The following TCF12 variants were observed in gnomAD, a reference collection of about 807,000 sequenced individuals.
TCF12 encodes the protein DNA-binding protein HTF4.
A neutral mutation model predicts 86.0 loss-of-function variants in TCF12; 45 were observed. That is an observed-to-expected ratio of 0.52 (90% CI 0.41 to 0.67). TCF12 has a LOEUF of 0.67. TCF12 is among the 30% of genes least tolerant of loss of function. The probability of loss-of-function intolerance (pLI) is 0.00; values close to 1 mark genes in which losing one functional copy is unlikely to be tolerated. For synonymous variants in TCF12, 330 were observed against 299.6 expected (o/e 1.10, Z -1.05); for missense variants, 881 against 859.9 (o/e 1.02, Z -0.31).
rs1165221279 is a variant in TCF12, at chr15:56,962,867, T to G, written c.148+41769T>G. Reference sequence around the variant, plus strand: ...CCTAATGAAGTGGAAATTAGTGTGTTATGTGTGCATTTAATGACTTTATTG... The same window carrying G: ...CCTAATGAAGTGGAAATTAGTGTGTGATGTGTGCATTTAATGACTTTATTG... On this transcript the variant is annotated intron_variant, in intron 3 of 20. Coordinates refer to ENST00000333725, the MANE Select transcript of TCF12 (RefSeq NM_207037.2). Among the ~76,000 whole-genome samples, 3 of 152,302 alleles carry G rather than the reference T, an allele frequency of 2.0e-5. No individual in the cohort carries two copies. In the South Asian group the frequency reaches 6.2e-4, roughly 32 times the overall value.
intron 8 of TCF12, among the ~76,000 whole-genome samples, chr15:57,213,794 T>C (rs1303221859): frequency 6.6e-6 from 1 of 152,188 alleles, no homozygotes; most frequent in Non-Finnish European, 1.5e-5. Flanking sequence ...GCTTTACAGA[T>C]GATTTTGAAT....
At chr15:57,131,063 A>G (rs1057098254) in intron 5 of TCF12, among the ~76,000 whole-genome samples, 14 of 152,146 alleles carry the variant, frequency 9.2e-5, no homozygotes, top group Non-Finnish European at 2.9e-5. Context: ...TCAGAGCGTT[A>G]TTGTCAGACA....
chr15:57,199,950 C>A (rs1273259273), intron 8 of TCF12, among the ~76,000 whole-genome samples: 2 of 151,808 alleles, frequency 1.3e-5, no homozygotes, highest in Non-Finnish European at 2.9e-5. Flanking sequence ...GACACAGTCA[C>A]TGCAAACTAC....
rs565008005 is a variant in TCF12 at position 57,255,434 on chromosome 15, C to T, written c.1467+1966C>T. On this transcript the variant is annotated intron_variant, in intron 16 of 20. Transcript: ENST00000333725. Reference sequence around the variant, plus strand: ...TGCTGAAGGAATGCACTGCCCACTTCAGAACAACAACAGAAGGTCTGCCAG... The same window carrying T: ...TGCTGAAGGAATGCACTGCCCACTTTAGAACAACAACAGAAGGTCTGCCAG... Among the ~76,000 whole-genome samples the T allele has an allele frequency of 6.3e-4, 96 of 152,280 alleles. 3 individuals are homozygous for T. The South Asian group carries it at 0.02, about 31-fold the overall frequency.
At chr15:57,137,762 C>T (rs1198727467) in intron 5 of TCF12, among the ~76,000 whole-genome samples, 1 of 152,144 alleles carries the variant, frequency 6.6e-6, no homozygotes, top group African/African-American at 2.4e-5. Flanking sequence ...GGCACGGTGG[C>T]TCATGCCCGT....
intron 5 of TCF12, among the ~76,000 whole-genome samples, chr15:57,160,581 T>A (rs569120868): frequency 6.6e-6 from 1 of 152,326 alleles, no homozygotes; most frequent in Non-Finnish European, 1.5e-5. Flanking sequence ...AAGAGCTAAA[T>A]GTCTAACAAA....
intron 5 of TCF12, among the ~76,000 whole-genome samples, chr15:57,113,892 G>GC (rs1328039003): frequency 1.3e-5 from 2 of 152,210 alleles, no homozygotes; most frequent in East Asian, 3.9e-4. Flanking sequence ...GGAGGTAGAG[G>GC]CTGGAGTAAG....
intron 12 of TCF12, among the ~76,000 whole-genome samples, chr15:57,237,317 T>C (rs769834274): frequency 7.9e-5 from 12 of 152,216 alleles, no homozygotes; most frequent in Non-Finnish European, 1.5e-4. Flanking sequence ...TAATAAAGAT[T>C]AACTGAAATG....
chr15:56,953,055 G>C (rs1370600584), intron 3 of TCF12, among the ~76,000 whole-genome samples: 1 of 151,936 alleles, frequency 6.6e-6, no homozygotes, highest in East Asian at 1.9e-4. Flanking sequence ...GATTTTCCTA[G>C]AATAGATGTT....
chr15:57,045,472 G>GTAA (rs1764506511), intron 3 of TCF12, among the ~76,000 whole-genome samples: 1 of 152,092 alleles, frequency 6.6e-6, no homozygotes, highest in Admixed American at 6.5e-5. Flanking sequence ...ACACTCTGTG[G>GTAA]TAATATCTTC....
At chr15:56,931,533 C>T (rs993566563) in intron 3 of TCF12, among the ~76,000 whole-genome samples, 4 of 152,118 alleles carry the variant, frequency 2.6e-5, no homozygotes, top group Non-Finnish European at 5.9e-5. Context: ...TCCTAATCAT[C>T]TTCAAGAAGA....
chr15:56,967,624 G>C (rs758125992), intron 3 of TCF12, among the ~76,000 whole-genome samples: 14 of 152,196 alleles, frequency 9.2e-5, no homozygotes, highest in Non-Finnish European at 1.8e-4. Flanking sequence ...TAAGGTATTA[G>C]TACAAACCTA....
At chr15:57,000,602 G>C (rs1010639880) in intron 3 of TCF12, among the ~76,000 whole-genome samples, 3 of 152,050 alleles carry the variant, frequency 2.0e-5, no homozygotes, top group South Asian at 4.1e-4. Context: ...ATTAAATCCA[G>C]TATAAGCAAA....
At chr15:57,231,335 A>G in intron 9 of TCF12, 78 bp downstream of exon 9, 2 of 1,171,554 alleles carry the variant, frequency 1.7e-6, no homozygotes, top group South Asian at 2.5e-5. Flanking sequence ...ATTAGGAAAG[A>G]GAATACCTAT....
intron 3 of TCF12, among the ~76,000 whole-genome samples, chr15:57,024,052 G>A (rs149626334): frequency 7.6e-4 from 115 of 152,156 alleles, no homozygotes; most frequent in African/African-American, 2.7e-3. Flanking sequence ...GTGGAGCCTG[G>A]TTCCTAATAG....
At chr15:57,081,983 T>C (rs1248093129) in intron 4 of TCF12, among the ~76,000 whole-genome samples, 1 of 152,202 alleles carries the variant, frequency 6.6e-6, no homozygotes, top group African/African-American at 2.4e-5. Flanking sequence ...GCTTATCTAC[T>C]TTCACCTTCA....
rs1158701062 is a variant in TCF12, at chr15:57,068,827, C to CT, written c.222+5005dup. On this transcript the variant is annotated intron_variant, in intron 4 of 20. Coordinates refer to ENST00000333725, the MANE Select transcript of TCF12 (RefSeq NM_207037.2). ...TCTATGTGTCTTAGTTTTCTGGTCT[C>CT]TAAAATTATGATAATTTTACATGTA... Among the ~76,000 whole-genome samples, 10 of 152,122 alleles carry CT rather than the reference C, an allele frequency of 6.6e-5. No individual in the cohort carries two copies. The South Asian group carries it at 8.3e-4, about 13-fold the overall frequency.
intron 3 of TCF12, among the ~76,000 whole-genome samples, chr15:57,047,386 C>G (rs1321983818): frequency 6.6e-6 from 1 of 152,146 alleles, no homozygotes; most frequent in Non-Finnish European, 1.5e-5. Context: ...CTATTGCTAT[C>G]TTGATTACCA....
intron 5 of TCF12, among the ~76,000 whole-genome samples, chr15:57,159,826 A>G (rs72731964): frequency 2.0e-5 from 3 of 152,134 alleles, no homozygotes; most frequent in South Asian, 2.1e-4. Context: ...GTTGGCTTCC[A>G]TACAAATAGA....
Sources: gnomAD v4.1 joint callset for allele counts (sites outside exome capture counted in the v4.1 genomes callset) on GRCh38, gnomAD v4.1.1 for gene constraint, MANE v1.5 for transcripts, NCBI Gene and HGNC (gene_info 2026-07-23, HGNC 2026-07-21) for gene names.